The following FAM229B variants were observed in gnomAD, a reference collection of about 807,000 sequenced individuals.
The protein encoded by FAM229B is family with sequence similarity 229 member B.
FAM229B carries 2 observed loss-of-function variants against 6.7 expected under a neutral mutation model. The ratio of observed to expected loss-of-function variants is 0.30; its 90% CI spans 0.12 to 0.94. FAM229B has a LOEUF of 0.94. Ranked by LOEUF, FAM229B falls within the 40% of genes least tolerant of loss-of-function variation. FAM229B has a pLI of 0.54. For missense variants in FAM229B, 93 were observed against 96.2 expected (o/e 0.97, Z 0.14); for synonymous variants, 29 against 34.0 (o/e 0.85, Z 0.51).
chr6:112,094,809 AG>A (rs1344978629), intron 1 of FAM229B, among the ~76,000 whole-genome samples: 1 of 152,186 alleles, frequency 6.6e-6, no homozygotes, highest in African/African-American at 2.4e-5. Flanking sequence ...GAGAATTGAA[AG>A]ACTATTACTC....
chr6:112,089,342 T>A (rs1777226407), intron 1 of FAM229B, among the ~76,000 whole-genome samples: 1 of 151,800 alleles, frequency 6.6e-6, no homozygotes, highest in South Asian at 2.1e-4. Flanking sequence ...ATGTAAAAGA[T>A]GGATAAAGTA....
intron 3 of FAM229B, among the ~76,000 whole-genome samples, chr6:112,100,444 A>C (rs1220489499): frequency 6.6e-6 from 1 of 151,678 alleles, no homozygotes; most frequent in African/African-American, 2.4e-5. Flanking sequence ...CTTTGAATAT[A>C]TGAATTTCCT....
chr6:112,090,561 G>A (rs1554318074), intron 1 of FAM229B, among the ~76,000 whole-genome samples: 1 of 142,614 alleles, frequency 7.0e-6, no homozygotes, highest in Non-Finnish European at 1.6e-5. Flanking sequence ...TTGTTGTGCT[G>A]TGGTAACAAT....
intron 3 of FAM229B, 125 bp from the exon 4 acceptor site, chr6:112,100,545 G>A: frequency 1.5e-6 from 1 of 650,460 alleles, no homozygotes; most frequent in Non-Finnish European, 2.7e-6. Context: ...TGTACTCATT[G>A]TATGACATTC....
intron 1 of FAM229B, among the ~76,000 whole-genome samples, chr6:112,089,511 CTTG>C (rs782482475): frequency 1.3e-5 from 2 of 152,096 alleles, no homozygotes; most frequent in African/African-American, 4.8e-5. Flanking sequence ...AGGGCTGAGT[CTTG>C]TTGTTTTATC....
chr6:112,100,786 A>G lies in FAM229B; in HGVS notation c.242A>G (p.Ter81TrpextTer3). 1 of 1,607,308 alleles carries G rather than the reference A, an allele frequency of 6.2e-7. No individual in the cohort carries two copies. The highest frequency in any genetic ancestry group is 1.3e-5 in the African/African-American group (1 of 74,912). Residue 81 changes from the stop codon to tryptophan (W), a stop_lost, in exon 4 of 4, where the codon TAG becomes TGG. Transcript: ENST00000368656. ...AGCAGCAAGGAAATGCATCCTAAAT[A>G]GCACCATTAAGTCTTTTGTCAAGGT... ...AQSSKEMHPK[*>W]
Position 112,100,762 on chromosome 6 carries a change from G to A in FAM229B, c.218G>A (p.Ser73Asn), listed in dbSNP as rs1777388019. 6.2e-7 allele frequency: 1 copy of A among 1,613,774 alleles called. No individual in the cohort carries two copies. Among genetic ancestry groups the A allele is most frequent in the African/African-American group, 1.3e-5 (1 of 74,904 alleles). ...ACAACGAGAAAGCCACCTGCACAAA[G>A]CAGCAAGGAAATGCATCCTAAATAG... ...YATTRKPPAQSSKEMHPK is the reference protein window; with the variant it reads ...YATTRKPPAQNSKEMHPK The change falls in exon 4 of 4, where the codon AGC becomes AAC. Residue 73 changes from serine (S) to asparagine (N), a missense_variant. By Grantham distance (46) the Ser-to-Asn change is conservative. Coordinates refer to ENST00000368656, the MANE Select transcript of FAM229B (RefSeq NM_001033564.3).
chr6:112,091,608 G>A (rs1777257982), intron 1 of FAM229B, among the ~76,000 whole-genome samples: 1 of 152,080 alleles, frequency 6.6e-6, no homozygotes. Context: ...AAATAGCTGT[G>A]TCCCAGAACA....
chr6:112,096,738 G>T (rs1285441721), intron 1 of FAM229B, among the ~76,000 whole-genome samples: 1 of 151,008 alleles, frequency 6.6e-6, no homozygotes, highest in Non-Finnish European at 1.5e-5. Context: ...TACAATTTGG[G>T]TTTGAGGATA....
chr6:112,092,764 GA>G, intron 1 of FAM229B, among the ~76,000 whole-genome samples: 1 of 152,066 alleles, frequency 6.6e-6, no homozygotes, highest in Non-Finnish European at 1.5e-5. Flanking sequence ...TGGGAGAGGG[GA>G]AATGGAATAT....
In FAM229B at chr6:112,090,838, C is replaced by T. The variant is rs138752539; in HGVS notation, c.-176+3118C>T. 6.8e-3 allele frequency among the ~76,000 whole-genome samples: 1,033 copies of T among 152,258 alleles called. 8 individuals carry two copies. The highest frequency in any genetic ancestry group is 0.024 in the African/African-American group (992 of 41,556). ...TCTGATTAACATATCCATCATTTCA[C>T]ATACTCAGAATTTTTTTGTGATGAG... On this transcript the variant is annotated intron_variant, in intron 1 of 3. Coordinates refer to ENST00000368656, the MANE Select transcript of FAM229B (RefSeq NM_001033564.3).
At position 112,096,412 on chromosome 6, in the gene FAM229B, C is replaced by T. The variant is rs374597618; in HGVS notation, c.-175-629C>T. ...TCTACTAAAAATAGAAAAAATTAGCCGGGTGTGGTGGCGGGTGCCTGTAGT... is the reference window on the plus strand; with the variant it reads ...TCTACTAAAAATAGAAAAAATTAGCTGGGTGTGGTGGCGGGTGCCTGTAGT... On this transcript the variant is annotated intron_variant, in intron 1 of 3. Coordinates refer to ENST00000368656, the MANE Select transcript of FAM229B (RefSeq NM_001033564.3). 3.6e-4 allele frequency among the ~76,000 whole-genome samples: 54 copies of T among 152,088 alleles called. 1 individual carries two copies. In the South Asian group the frequency reaches 5.6e-3, roughly 16 times the overall value.
chr6:112,093,823 TA>T (rs1458590932), intron 1 of FAM229B, among the ~76,000 whole-genome samples: 2 of 152,006 alleles, frequency 1.3e-5, no homozygotes, highest in African/African-American at 2.4e-5. Context: ...ATTCTGGCTA[TA>T]AAAACAAGTC....
chr6:112,094,136 A>C (rs1354105912), intron 1 of FAM229B, among the ~76,000 whole-genome samples: 1 of 152,118 alleles, frequency 6.6e-6, no homozygotes, highest in Non-Finnish European at 1.5e-5. Flanking sequence ...CTAAGCTTCT[A>C]CCTTAAGAAA....
intron 1 of FAM229B, among the ~76,000 whole-genome samples, chr6:112,091,801 ATAAAAT>A (rs1379211179): frequency 4.6e-5 from 7 of 152,152 alleles, no homozygotes; most frequent in Admixed American, 3.3e-4. Flanking sequence ...TAATAATTAC[ATAAAAT>A]TAAAAGAACA....
At chr6:112,095,635 CAAAAAAAAAAAAAAAAAAAAAAAAACCAA>C (rs1204664096) in intron 1 of FAM229B, among the ~76,000 whole-genome samples, 51 of 48,818 alleles carry the variant, frequency 1.0e-3, no homozygotes, top group African/African-American at 3.3e-3. Flanking sequence ...GACCCTGTCT[CAAAAAAAAAAAAAAAAAAAAAAAAACCAA>C]AAAAAAAAAA....
Position 112,087,656 on chromosome 6 carries a change from A to G in FAM229B, c.-240A>G, listed in dbSNP as rs1181842791. 10 of 548,446 alleles carry G rather than the reference A, an allele frequency of 1.8e-5. No homozygotes were observed. The highest frequency in any genetic ancestry group is 2.9e-5 in the Non-Finnish European group (9 of 309,358). The allele number at this position is 548,446 out of a possible 1,614,324, so 34.0% of individuals were successfully genotyped here. On this transcript the variant is annotated 5_prime_UTR_variant, in exon 1 of 4. Coordinates refer to ENST00000368656, the MANE Select transcript of FAM229B (RefSeq NM_001033564.3). Reference sequence around the variant, plus strand: ...CGTAGCGACTGGGCTTCTGGACTGTATATCCTAGCTGCCTTGTCAACATCT... The same window carrying G: ...CGTAGCGACTGGGCTTCTGGACTGTGTATCCTAGCTGCCTTGTCAACATCT...
At position 112,087,669 on chromosome 6, in the gene FAM229B, C is replaced by T. The variant is rs1451583763; in HGVS notation, c.-227C>T. 7 of 488,704 alleles carry T rather than the reference C, an allele frequency of 1.4e-5. No individual in the cohort carries two copies. Among genetic ancestry groups the T allele is most frequent in the Non-Finnish European group, 2.2e-5 (6 of 275,954 alleles). The allele number at this position is 488,704 out of a possible 1,614,324, so 30.3% of individuals were successfully genotyped here. A position where few individuals can be genotyped will look rare whatever the true frequency, so the allele number is the denominator to read the frequency against. ...CTTCTGGACTGTATATCCTAGCTGC[C>T]TTGTCAACATCTTCGAGCATCGGCA... On this transcript the variant is annotated 5_prime_UTR_variant, in exon 1 of 4. Coordinates refer to ENST00000368656, the MANE Select transcript of FAM229B (RefSeq NM_001033564.3).
intron 1 of FAM229B, among the ~76,000 whole-genome samples, chr6:112,088,370 A>G (rs1777208010): frequency 6.6e-6 from 1 of 152,218 alleles, no homozygotes; most frequent in African/African-American, 2.4e-5. Flanking sequence ...CTATTGATCA[A>G]ATTAGACCAG....
Sources: gnomAD v4.1 joint callset for allele counts (sites outside exome capture counted in the v4.1 genomes callset) on GRCh38, gnomAD v4.1.1 for gene constraint, MANE v1.5 for transcripts, NCBI Gene and HGNC (gene_info 2026-07-23, HGNC 2026-07-21) for gene names.